MGMT: variants seen among roughly 807,000 people sequenced by gnomAD.
MGMT encodes the protein methylated-DNA--protein-cysteine methyltransferase.
MGMT carries 14 observed loss-of-function variants against 15.9 expected under a neutral mutation model. The observed-to-expected ratio is 0.88, with a 90% CI of 0.58 to 1.37. The LOEUF (loss-of-function observed/expected upper bound fraction) is 1.37. MGMT is among the 40% of genes most tolerant of loss of function. The probability of loss-of-function intolerance (pLI) is 0.00; values close to 1 mark genes in which losing one functional copy is unlikely to be tolerated. For missense variants in MGMT, 282 were observed against 268.1 expected, an observed-to-expected ratio of 1.05 and a Z score of -0.36; for synonymous variants, 130 against 118.2, an observed-to-expected ratio of 1.10 and a Z score of -0.65.
At chr10:129,506,977 G>C (rs1845632041) in intron 1 of MGMT, among the ~76,000 whole-genome samples, 1 of 152,148 alleles carries the variant, frequency 6.6e-6, no homozygotes, top group Non-Finnish European at 1.5e-5. Context: ...TCTTCACTCT[G>C]CCACTTAGGG....
At chr10:129,542,325 C>T (rs968040099) in intron 2 of MGMT, among the ~76,000 whole-genome samples, 33 of 152,154 alleles carry the variant, frequency 2.2e-4, no homozygotes, top group African/African-American at 6.0e-4. Context: ...GTCGGTCTGA[C>T]CAGTGCCAGT....
chr10:129,472,588 C>G (rs993281985), intron 1 of MGMT, among the ~76,000 whole-genome samples: 1 of 152,168 alleles, frequency 6.6e-6, no homozygotes, highest in Admixed American at 6.5e-5. Context: ...GATGGGCTTC[C>G]GTTTGGACCT....
chr10:129,470,708 G>A (rs1335760408), intron 1 of MGMT, among the ~76,000 whole-genome samples: 2 of 152,176 alleles, frequency 1.3e-5, no homozygotes, highest in African/African-American at 2.4e-5. Context: ...CCTGGGAGCT[G>A]CCCATGCGGA....
chr10:129,611,023 T>C (rs561698702), intron 2 of MGMT, among the ~76,000 whole-genome samples: 2 of 152,348 alleles, frequency 1.3e-5, no homozygotes, highest in African/African-American at 4.8e-5. Context: ...TAAACTTTGG[T>C]ATTTCAGCCT....
Position 129,711,454 on chromosome 10 carries a change from G to A in MGMT, c.274+3411G>A, listed in dbSNP as rs1480721528. On this transcript the variant is annotated intron_variant, in intron 3 of 4. Transcript: ENST00000651593. ...GTCCCCGGGGCTGCCTCATTGTGAG[G>A]TTGGGACAGGTGGGATTTCCCAGTG... 3.3e-5 allele frequency among the ~76,000 whole-genome samples: 5 copies of A among 152,200 alleles called. No homozygotes were observed. The South Asian group carries it at 1.0e-3, about 32-fold the overall frequency.
intron 2 of MGMT, among the ~76,000 whole-genome samples, chr10:129,677,077 G>T (rs1467070607): frequency 1.3e-5 from 2 of 152,152 alleles, no homozygotes; most frequent in Non-Finnish European, 1.5e-5. Context: ...TGCAGCCTGG[G>T]CATGTGGTAT....
intron 1 of MGMT, among the ~76,000 whole-genome samples, chr10:129,511,766 A>G (rs1845686216): frequency 6.6e-6 from 1 of 152,198 alleles, no homozygotes; most frequent in African/African-American, 2.4e-5. Context: ...AGCTGGGACT[A>G]GTTTTATCTG....
chr10:129,562,737 C>T (rs1374560736), intron 2 of MGMT, among the ~76,000 whole-genome samples: 1 of 152,196 alleles, frequency 6.6e-6, no homozygotes, highest in Non-Finnish European at 1.5e-5. Flanking sequence ...GGCTGTGGGA[C>T]TTCGCACTGA....
intron 2 of MGMT, among the ~76,000 whole-genome samples, chr10:129,699,446 G>A (rs1385097881): frequency 6.6e-6 from 1 of 151,958 alleles, no homozygotes; most frequent in East Asian, 1.9e-4. Flanking sequence ...AGGGCATAGC[G>A]TGCCGGTTAA....
intron 3 of MGMT, among the ~76,000 whole-genome samples, chr10:129,737,851 C>T (rs1364767064): frequency 1.3e-5 from 2 of 152,264 alleles, no homozygotes; most frequent in Non-Finnish European, 2.9e-5. Context: ...GGGGTGCCTC[C>T]CAGTTAGGCT....
chr10:129,671,332 T>A (rs1365030265), intron 2 of MGMT, among the ~76,000 whole-genome samples: 1 of 152,194 alleles, frequency 6.6e-6, no homozygotes, highest in Non-Finnish European at 1.5e-5. Flanking sequence ...GTAGGAATAT[T>A]TACACAGCAG....
chr10:129,768,235 G>T lies in MGMT; in HGVS notation c.*1238G>T, dbSNP rs373133232. The stretch of plus-strand genomic sequence containing the variant: ...ATCTTAACACCAACGAAAGAAAACC[G>T]ATTTCAGACGTTTTTCGCTGATTTA... On this transcript the variant is annotated 3_prime_UTR_variant, in exon 5 of 5. Coordinates refer to ENST00000651593, the MANE Select transcript of MGMT (RefSeq NM_002412.5). 6.6e-6 allele frequency among the ~76,000 whole-genome samples: 1 copy of T among 152,212 alleles called. No individual in the cohort carries two copies. Among genetic ancestry groups the T allele is most frequent in the Non-Finnish European group, 1.5e-5 (1 of 68,042 alleles).
chr10:129,648,140 A>G (rs904238344), intron 2 of MGMT, among the ~76,000 whole-genome samples: 2 of 152,234 alleles, frequency 1.3e-5, no homozygotes, highest in African/African-American at 4.8e-5. Flanking sequence ...ATACAATATT[A>G]GAAACACATC....
intron 2 of MGMT, among the ~76,000 whole-genome samples, chr10:129,573,293 T>A (rs944790079): frequency 6.6e-6 from 1 of 152,186 alleles, no homozygotes; most frequent in South Asian, 2.1e-4. Context: ...TAAAAAACTT[T>A]TAATTGGGCA....
chr10:129,477,361 A>G (rs1200465911), intron 1 of MGMT, among the ~76,000 whole-genome samples: 1 of 151,962 alleles, frequency 6.6e-6, no homozygotes, highest in East Asian at 1.9e-4. Flanking sequence ...TGTGGTTTCT[A>G]CTGGATGGAA....
At chr10:129,725,995 C>T (rs1026531073) in intron 3 of MGMT, among the ~76,000 whole-genome samples, 1 of 152,136 alleles carries the variant, frequency 6.6e-6, no homozygotes, top group Non-Finnish European at 1.5e-5. Context: ...TTTCCCTCTT[C>T]TCACAGAACG....
chr10:129,502,609 G>A (rs1433370139), intron 1 of MGMT, among the ~76,000 whole-genome samples: 1 of 152,174 alleles, frequency 6.6e-6, no homozygotes, highest in Non-Finnish European at 1.5e-5. Context: ...CCTGAGGAAG[G>A]CTGCAGCTGA....
At chr10:129,544,139 C>G (rs995905121) in intron 2 of MGMT, among the ~76,000 whole-genome samples, 1 of 152,198 alleles carries the variant, frequency 6.6e-6, no homozygotes. Context: ...CTGGGGAGAT[C>G]ATGCCCCTCT....
At chr10:129,629,600 C>T (rs1191575201) in intron 2 of MGMT, among the ~76,000 whole-genome samples, 2 of 152,320 alleles carry the variant, frequency 1.3e-5, no homozygotes, top group South Asian at 2.1e-4. Flanking sequence ...TCGGCACCTT[C>T]GCGTTGATCA....
Sources: allele counts gnomAD v4.1 joint callset (sites outside exome capture counted in the v4.1 genomes callset), GRCh38; gene constraint gnomAD v4.1.1; transcripts MANE v1.5; gene names NCBI Gene and HGNC (gene_info 2026-07-23, HGNC 2026-07-21).